FBLN1: variants seen among roughly 807,000 people sequenced by gnomAD.
FBLN1 encodes fibulin-1.
Under a neutral mutation model 89.7 loss-of-function variants are expected in FBLN1, and 34 were observed. That is an observed-to-expected ratio of 0.38 (90% CI 0.29 to 0.50). The LOEUF (loss-of-function observed/expected upper bound fraction) is 0.50. FBLN1 is among the 20% of genes least tolerant of loss of function. FBLN1 has a pLI of 0.92. For synonymous variants in FBLN1, 393 were observed against 391.3 expected, an observed-to-expected ratio of 1.00 and a Z score of -0.05; for missense variants, 777 against 988.1, an observed-to-expected ratio of 0.79 and a Z score of 2.86.
rs774204395 is a variant in FBLN1, at chr22:45,588,960, G to C, written c.1973-11347G>C. Among the ~76,000 whole-genome samples the C allele has an allele frequency of 1.3e-5, 2 of 151,658 alleles. No homozygotes were observed. Among genetic ancestry groups the C allele is most frequent in the Non-Finnish European group, 2.9e-5 (2 of 67,972 alleles). ...GGTGCTTCCAGGCGGACTCTGCTAG[G>C]AACATTCCATCTGTGGCCAAGGCTA... On this transcript the variant is annotated intron_variant, in intron 16 of 16. Coordinates refer to ENST00000327858, the MANE Select transcript of FBLN1 (RefSeq NM_006486.3). The surrounding 1 kb of genome is among the most constrained non-coding windows in gnomAD (Gnocchi z 5.1).
In FBLN1 at chr22:45,531,232, A is replaced by G. The variant is rs2239844; in HGVS notation, c.485-33A>G. On this transcript the variant is annotated intron_variant, in intron 4 of 16. Transcript: ENST00000327858. The surrounding 1 kb of genome is among the most constrained non-coding windows in gnomAD (Gnocchi z 4.9). The stretch of plus-strand genomic sequence containing the variant: ...CTTTTAAGATAAGATGGGTGTTTGG[A>G]TAAATGTCTGACTTGGTCTTTTTCC... The G allele has an allele frequency of 0.1, 160,455 of 1,599,540 alleles. 8,788 individuals carry two copies. The highest frequency in any genetic ancestry group is 0.18 in the South Asian group (15,933 of 90,776).
Position 45,576,586 on chromosome 22 carries a change from G to T in FBLN1, c.1841-391G>T, listed in dbSNP as rs1399418084. 6.6e-6 allele frequency among the ~76,000 whole-genome samples: 1 copy of T among 152,064 alleles called. No individual in the cohort carries two copies. The highest frequency in any genetic ancestry group is 1.5e-5 in the Non-Finnish European group (1 of 68,010). ...CCCCCTGACCTGTGGCACTATAGAT[G>T]GGAGAGGAGCCCACCCCTCTGGCCT... On this transcript the variant is annotated intron_variant, in intron 15 of 16. Transcript: ENST00000327858. The surrounding 1 kb of genome is among the most constrained non-coding windows in gnomAD (Gnocchi z 5.2).
intron 6 of FBLN1, 29 bp from the exon 7 acceptor site, chr22:45,533,732 C>T: frequency 6.2e-7 from 1 of 1,606,482 alleles, no homozygotes; most frequent in Non-Finnish European, 8.5e-7. Context: ...TCTTGCTGGT[C>T]ACCCCCGCAC....
intron 16 of FBLN1, among the ~76,000 whole-genome samples, chr22:45,591,016 G>A (rs1041362674): frequency 5.9e-5 from 9 of 152,268 alleles, no homozygotes; most frequent in African/African-American, 2.2e-4. Flanking sequence ...GAGGGGACAT[G>A]ATTTCTTATC....
chr22:45,568,609 A>AGAATGCTCCTGTAG (rs1569260231), intron 14 of FBLN1, among the ~76,000 whole-genome samples: 833 of 35,396 alleles, frequency 0.024, 299 homozygotes, highest in Middle Eastern at 0.078. Context: ...TCCTTCTGTA[A>AGAATGCTCCTGTAG]GGGAATGCTC....
At chr22:45,570,995 T>A (rs2088948308) in intron 14 of FBLN1, among the ~76,000 whole-genome samples, 1 of 150,410 alleles carries the variant, frequency 6.6e-6, no homozygotes, top group Non-Finnish European at 1.5e-5. Flanking sequence ...GTGGTGCACG[T>A]CTGTAATCTC....
intron 1 of FBLN1, chr22:45,517,541 G>A: frequency 2.1e-6 from 1 of 470,826 alleles, no homozygotes. Flanking sequence ...GTGTGGGCCG[G>A]CTGCTTGGAG....
intron 16 of FBLN1, among the ~76,000 whole-genome samples, chr22:45,591,439 C>G (rs1397356953): frequency 6.6e-6 from 1 of 152,184 alleles, no homozygotes; most frequent in Non-Finnish European, 1.5e-5. Context: ...GAAGAGCTGT[C>G]TCTTTCGTTC....
In FBLN1 at chr22:45,580,326, C is replaced by T. The variant is rs1012625233; in HGVS notation, c.1972+3218C>T. 3.3e-5 allele frequency among the ~76,000 whole-genome samples: 5 copies of T among 152,106 alleles called. 1 individual carries two copies. The highest frequency in any genetic ancestry group is 3.9e-4 in the East Asian group (2 of 5,130). On this transcript the variant is annotated intron_variant, in intron 16 of 16. Transcript: ENST00000327858. The surrounding 1 kb of genome is among the most constrained non-coding windows in gnomAD (Gnocchi z 8.6). Reference sequence around the variant, plus strand: ...GCAGCTCTGTGCTGCCTGCAGCACACGGCAGGGAACGCCGCCTACTCACGG... The same window carrying T: ...GCAGCTCTGTGCTGCCTGCAGCACATGGCAGGGAACGCCGCCTACTCACGG...
chr22:45,535,119 G>T (rs2088466662), intron 7 of FBLN1, 81 bp from the exon 8 acceptor site: 11 of 1,535,114 alleles, frequency 7.2e-6, no homozygotes, highest in Non-Finnish European at 3.6e-6. Flanking sequence ...TTAGAAAAAA[G>T]CTTTCTTGTG....
At position 45,556,037 on chromosome 22, in the gene FBLN1, C is replaced by T. The variant is rs565784284; in HGVS notation, c.1697+5422C>T. On this transcript the variant is annotated intron_variant, in intron 14 of 16. Coordinates refer to ENST00000327858, the MANE Select transcript of FBLN1 (RefSeq NM_006486.3). The surrounding 1 kb of genome is among the most constrained non-coding windows in gnomAD (Gnocchi z 4.6). ...TTAAGACAGAGTCTCCCTCTGTTGC[C>T]GAGGCTGAAGTGTGGTGGTGTGATT... 5.9e-5 allele frequency among the ~76,000 whole-genome samples: 9 copies of T among 152,232 alleles called. No homozygotes were observed. In the East Asian group the frequency reaches 1.4e-3, roughly 23 times the overall value.
intron 16 of FBLN1, among the ~76,000 whole-genome samples, chr22:45,589,930 G>C (rs1345045356): frequency 6.6e-6 from 1 of 152,192 alleles, no homozygotes; most frequent in Non-Finnish European, 1.5e-5. Flanking sequence ...CATGACACCA[G>C]TTCCCGGTTT....
At chr22:45,515,319 G>A (rs967590823) in intron 1 of FBLN1, among the ~76,000 whole-genome samples, 6 of 152,274 alleles carry the variant, frequency 3.9e-5, no homozygotes, top group African/African-American at 1.2e-4. Flanking sequence ...GGCTAATGAC[G>A]GGGTGAGCTC....
chr22:45,564,003 T>C (rs1310942966), intron 14 of FBLN1, among the ~76,000 whole-genome samples: 1 of 152,138 alleles, frequency 6.6e-6, no homozygotes, highest in Admixed American at 6.5e-5. Context: ...ACACAATACA[T>C]GTGATACTCA....
At chr22:45,527,584 A>G (rs533409753) in intron 3 of FBLN1, among the ~76,000 whole-genome samples, 142 of 149,224 alleles carry the variant, frequency 9.5e-4, no homozygotes, top group African/African-American at 3.4e-3. Context: ...GTGCAATTGC[A>G]TGTTGGGGTG....
intron 3 of FBLN1, among the ~76,000 whole-genome samples, chr22:45,527,403 G>A (rs2088343367): frequency 6.6e-6 from 1 of 152,150 alleles, no homozygotes; most frequent in Non-Finnish European, 1.5e-5. Flanking sequence ...ACTCAAAAAC[G>A]GAGAGGCAGC....
chr22:45,594,209 C>T (rs1569269513), intron 16 of FBLN1, among the ~76,000 whole-genome samples: 2 of 152,190 alleles, frequency 1.3e-5, no homozygotes, highest in South Asian at 2.1e-4. Flanking sequence ...TCCTCCTTCC[C>T]TTGCCTCCCT....
chr22:45,586,095 C>T (rs2089083217), intron 16 of FBLN1, among the ~76,000 whole-genome samples: 1 of 151,872 alleles, frequency 6.6e-6, no homozygotes, highest in Admixed American at 6.5e-5. Context: ...GCCCCAGGGA[C>T]CAGTCCCGGA....
Position 45,511,245 on chromosome 22 carries a change from C to T in FBLN1, c.80-7437C>T, listed in dbSNP as rs552116824. Among the ~76,000 whole-genome samples the T allele has an allele frequency of 5.3e-5, 8 of 151,806 alleles. No homozygotes were observed. The South Asian group carries it at 1.7e-3, about 32-fold the overall frequency. ...TCTCAGCTCACTGCAACCTCTGCCT[C>T]CTGGGTTCAAGTGATTCTCCTGCCT... On this transcript the variant is annotated intron_variant, in intron 1 of 16. Coordinates refer to ENST00000327858, the MANE Select transcript of FBLN1 (RefSeq NM_006486.3).
Sources: gnomAD v4.1 joint callset for allele counts (sites outside exome capture counted in the v4.1 genomes callset) on GRCh38, gnomAD v4.1.1 for gene constraint, Gnocchi (gnomAD v3.1) non-coding constraint, MANE v1.5 for transcripts, NCBI Gene and HGNC (gene_info 2026-07-23, HGNC 2026-07-21) for gene names.